Variants in GNE observed in about 807,000 individuals in gnomAD.
The protein encoded by GNE is glucosamine (UDP-N-acetyl)-2-epimerase/N-acetylmannosamine kinase.
GNE carries 41 observed loss-of-function variants against 61.8 expected under a neutral mutation model. The ratio of observed to expected loss-of-function variants is 0.66; its 90% CI spans 0.52 to 0.86. GNE has a LOEUF of 0.86. Ranked by LOEUF, GNE falls within the 40% of genes least tolerant of loss-of-function variation. GNE has a pLI of 0.00. For missense variants in GNE, 608 were observed against 909.1 expected (o/e 0.67, Z 4.26); for synonymous variants, 264 against 326.4 (o/e 0.81, Z 2.06).
intron 9 of GNE, among the ~76,000 whole-genome samples, chr9:36,220,802 CTG>C (rs1193385894): frequency 1.3e-5 from 2 of 152,208 alleles, no homozygotes; most frequent in Admixed American, 1.3e-4. Flanking sequence ...ATATCAGTGA[CTG>C]TCTTTTGTTA....
chr9:36,237,625 CTGAAAG>C (rs921704885), intron 3 of GNE, among the ~76,000 whole-genome samples: 3 of 151,420 alleles, frequency 2.0e-5, no homozygotes, highest in Non-Finnish European at 4.4e-5. Flanking sequence ...TCCCATAAAA[CTGAAAG>C]TGAGCTCCAC....
rs1424828612 is a variant in GNE at position 36,217,378 on chromosome 9, C to T, written c.2156G>A (p.Arg719His). The T allele has an allele frequency of 3.1e-6, 5 of 1,610,992 alleles. No homozygotes were observed. The highest frequency in any genetic ancestry group is 1.1e-5 in the South Asian group (1 of 90,958). Residue 719 changes from arginine to histidine, a missense_variant, in exon 12 of 12, where the codon CGC becomes CAC. Transcript: ENST00000642385. ...AASMVLDYTT[R>H]RIY ...GTTCCTGGAGGTCTAGTAGATCCTGCGTGTTGTGTAGTCCAGAACCATGCT... is the reference window on the plus strand; with the variant it reads ...GTTCCTGGAGGTCTAGTAGATCCTGTGTGTTGTGTAGTCCAGAACCATGCT...
At chr9:36,260,868 C>CAAAAAAAA (rs745821430), upstream of GNE, among the ~76,000 whole-genome samples, 8 of 96,032 alleles carry the variant, frequency 8.3e-5, no homozygotes, top group African/African-American at 2.6e-4. Flanking sequence ...GACTCTATCT[C>CAAAAAAAA]AAAAAAAAAA....
rs1830486371 is a variant in GNE at position 36,258,397 on chromosome 9, G to A, written c.-119C>T. 2.0e-6 allele frequency: 2 copies of A among 985,426 alleles called. No homozygotes were observed. The highest frequency in any genetic ancestry group is 1.7e-5 in the African/African-American group (1 of 57,250). 61.0% of individuals were successfully genotyped at this position (985,426 alleles called of 1,614,324 possible). Reference sequence around the variant, plus strand: ...GGGACGAACCAAGCGCCACGAAGCAGGCAGAGCGCGAGCCTGCCCCTCGGT... The same window carrying A: ...GGGACGAACCAAGCGCCACGAAGCAAGCAGAGCGCGAGCCTGCCCCTCGGT... On this transcript the variant is annotated 5_prime_UTR_variant, in exon 1 of 12. Coordinates refer to ENST00000642385, the MANE Select transcript of GNE (RefSeq NM_005476.7).
Position 36,246,065 on chromosome 9 carries a change from G to A in GNE, c.582C>T (p.Asn194=), listed in dbSNP as rs746170458. 4 of 1,614,170 alleles carry A rather than the reference G, an allele frequency of 2.5e-6. No homozygotes were observed. Among genetic ancestry groups the A allele is most frequent in the Non-Finnish European group, 3.4e-6 (4 of 1,180,020 alleles). ...TGCGAATGATGCTCATGTAGTCTTT[G>A]TTCTTGGCTGAGAGAAGTTTGTCAT... ...PSYDKLLSAK[N]KDYMSIIRMW... The change falls in exon 3 of 12, where the codon AAC becomes AAT. Residue 194 remains asparagine (N), a synonymous_variant. Coordinates refer to ENST00000642385, the MANE Select transcript of GNE (RefSeq NM_005476.7).
At chr9:36,233,824 C>A in intron 5 of GNE, 96 bp downstream of exon 5, 1 of 970,124 alleles carries the variant, frequency 1.0e-6, no homozygotes, top group East Asian at 2.4e-5. Flanking sequence ...CTCACTTGTT[C>A]ACAAAATATA....
intron 5 of GNE, among the ~76,000 whole-genome samples, chr9:36,231,153 A>G (rs1829141228): frequency 6.6e-6 from 1 of 151,990 alleles, no homozygotes; most frequent in Non-Finnish European, 1.5e-5. Flanking sequence ...GAAGGAAAAG[A>G]AAGAAGGAAA....
chr9:36,215,607 A>C lies in GNE; in HGVS notation c.*1758T>G, dbSNP rs909083594. 6.6e-6 allele frequency: 1 copy of C among 152,246 alleles called. No homozygotes were observed. The highest frequency in any genetic ancestry group is 1.5e-5 in the Non-Finnish European group (1 of 68,048). The allele number at this position is 152,246 out of a possible 1,614,324, so 9.4% of individuals were successfully genotyped here. Reference sequence around the variant, plus strand: ...AACAGTCAAACACACCAAGTTCTATAAAATAAAAATTAAAACACCTACCTC... The same window carrying C: ...AACAGTCAAACACACCAAGTTCTATCAAATAAAAATTAAAACACCTACCTC... On this transcript the variant is annotated 3_prime_UTR_variant, in exon 12 of 12. Coordinates refer to ENST00000642385, the MANE Select transcript of GNE (RefSeq NM_005476.7).
intron 5 of GNE, among the ~76,000 whole-genome samples, chr9:36,231,635 A>G (rs1829160290): frequency 6.6e-6 from 1 of 152,220 alleles, no homozygotes; most frequent in Non-Finnish European, 1.5e-5. Flanking sequence ...CTTGCAAGCA[A>G]TAGCTAGAGC....
Position 36,233,912 on chromosome 9 carries a change from G to GTAAA in GNE, c.982+4_982+7dup. The GTAAA allele has an allele frequency of 6.2e-7, 1 of 1,605,412 alleles. No homozygotes were observed. The highest frequency in any genetic ancestry group is 8.5e-7 in the Non-Finnish European group (1 of 1,172,058). ...CTAGTCAGTTGAAGTATGAGCAAAG[G>GTAAA]TAAATACCTGTTTCTCTTCCAATCT... On this transcript the variant is annotated splice_region_variant and intron_variant, in intron 5 of 11. Transcript: ENST00000642385.
At chr9:36,265,266 C>T (rs149887724) in intron 1 of GNE, 60 of 412,022 alleles carry the variant, frequency 1.5e-4, no homozygotes, top group African/African-American at 1.1e-3. Context: ...ACCGCATGGC[C>T]CAAGATTCCA....
At chr9:36,224,714 A>AG (rs200917115) in intron 7 of GNE, among the ~76,000 whole-genome samples, 1,687 of 151,862 alleles carry the variant, frequency 0.011, 32 homozygotes, top group African/African-American at 0.038. Context: ...TATAAAAAAT[A>AG]CAAAAATTAG....
At chr9:36,226,573 C>T (rs1828872653) in intron 7 of GNE, among the ~76,000 whole-genome samples, 1 of 152,112 alleles carries the variant, frequency 6.6e-6, no homozygotes, top group Non-Finnish European at 1.5e-5. Context: ...CTTATTTGAC[C>T]TAATGGTATT....
intron 3 of GNE, among the ~76,000 whole-genome samples, chr9:36,239,902 T>C (rs1447395826): frequency 6.6e-6 from 1 of 151,970 alleles, no homozygotes; most frequent in Non-Finnish European, 1.5e-5. Flanking sequence ...TTATTTTATT[T>C]TATTTTAATT....
chr9:36,232,080 C>T (rs1829180889), intron 5 of GNE, among the ~76,000 whole-genome samples: 1 of 152,146 alleles, frequency 6.6e-6, no homozygotes, highest in South Asian at 2.1e-4. Context: ...TTCTCCAATT[C>T]TTCATAATTG....
At chr9:36,260,606 A>T (rs937953313), upstream of GNE, among the ~76,000 whole-genome samples, 1 of 152,174 alleles carries the variant, frequency 6.6e-6, no homozygotes, top group Non-Finnish European at 1.5e-5. Context: ...GCGGTGGCTC[A>T]CGCCTGTAAT....
intron 1 of GNE, among the ~76,000 whole-genome samples, chr9:36,272,792 C>T (rs943279733): frequency 1.3e-5 from 2 of 150,152 alleles, no homozygotes; most frequent in African/African-American, 4.9e-5. Context: ...GAGAAGGGGC[C>T]GGGCCCAGTG....
chr9:36,259,905 G>T (rs762789216), upstream of GNE, among the ~76,000 whole-genome samples: 1 of 152,002 alleles, frequency 6.6e-6, no homozygotes, highest in African/African-American at 2.4e-5. Flanking sequence ...TAGGTGATCC[G>T]CCCACTTTGG....
In GNE at chr9:36,268,919, C is replaced by G. The variant is rs111990757; in HGVS notation, c.51+7975G>C. On this transcript the variant is annotated intron_variant, in intron 1 of 11. Coordinates refer to the GNE transcript ENST00000396594. ...CCAAAGTGGGTGGATTACCTGAGGT[C>G]AGGAGTTCAAGACCAGCCTGGCCAA... Among the ~76,000 whole-genome samples the G allele has an allele frequency of 1.4e-4, 21 of 152,194 alleles. 1 individual carries two copies. Among genetic ancestry groups the G allele is most frequent in the African/African-American group, 5.1e-4 (21 of 41,544 alleles).
Sources: gnomAD v4.1 joint callset for allele counts (sites outside exome capture counted in the v4.1 genomes callset) on GRCh38, gnomAD v4.1.1 for gene constraint, MANE v1.5 for transcripts, NCBI Gene and HGNC (gene_info 2026-07-23, HGNC 2026-07-21) for gene names.